The following RGS4 variants were observed in gnomAD, a reference collection of about 807,000 sequenced individuals.
RGS4 encodes regulator of G protein signaling 4.
RGS4 carries 15 observed loss-of-function variants against 21.6 expected under a neutral mutation model. The ratio of observed to expected loss-of-function variants is 0.69; its 90% confidence interval spans 0.46 to 1.07. RGS4 has a LOEUF of 1.07. Among genes scored for constraint, RGS4 ranks in the 50% least tolerant of loss-of-function variants. The pLI, the probability that RGS4 is intolerant of heterozygous loss-of-function variation, is 0.00. For missense variants in RGS4, 237 were observed against 239.0 expected, an observed-to-expected ratio of 0.99 and a Z score of 0.06; for synonymous variants, 94 against 85.5, an observed-to-expected ratio of 1.10 and a Z score of -0.55.
upstream of RGS4, chr1:163,069,086 T>C: frequency 6.5e-7 from 1 of 1,532,164 alleles, no homozygotes; most frequent in Non-Finnish European, 8.8e-7. Context: ...AACTATATTT[T>C]GCAGCATTGT....
intron 1 of RGS4, chr1:163,070,452 G>A (rs968270054): frequency 6.6e-6 from 1 of 151,996 alleles, no homozygotes; most frequent in African/African-American, 2.4e-5. Context: ...ATTTTATTTT[G>A]GAAATAATCT....
Position 163,072,377 on chromosome 1 carries a change from T to A in RGS4, c.45-18T>A. On this transcript the variant is annotated intron_variant, in intron 1 of 4. Coordinates refer to ENST00000367909, the MANE Select transcript of RGS4 (RefSeq NM_005613.6). ...AGCTGGTTATTACTATTTATTCATT[T>A]TTTTCTCTTCTGTGCAGTGCAAAAG... 1 of 1,576,366 alleles carries A rather than the reference T, an allele frequency of 6.3e-7. No individual in the cohort carries two copies. The highest frequency in any genetic ancestry group is 8.7e-7 in the Non-Finnish European group (1 of 1,148,030).
intron 4 of RGS4, 166 bp from the exon 5 acceptor site, chr1:163,074,155 C>A: frequency 1.3e-6 from 1 of 774,114 alleles, no homozygotes; most frequent in Non-Finnish European, 2.1e-6. Flanking sequence ...CATTCTGAAC[C>A]TTTCATACTC....
At chr1:163,069,923 C>T (rs538515904) in intron 1 of RGS4, among the ~76,000 whole-genome samples, 28 of 152,240 alleles carry the variant, frequency 1.8e-4, no homozygotes, top group African/African-American at 6.5e-4. Context: ...TGATTGTATG[C>T]TACAACTTGT....
At position 163,074,638 on chromosome 1, in the gene RGS4, T is replaced by C; in HGVS notation, c.*78T>C. On this transcript the variant is annotated 3_prime_UTR_variant, in exon 5 of 5. Coordinates refer to ENST00000367909, the MANE Select transcript of RGS4 (RefSeq NM_005613.6). ...CCTGAGGCCAAATATTGATCTGTAT[T>C]AAGCTCCAGTGCTTTATCCACATTG... 1 of 1,589,002 alleles carries C rather than the reference T, an allele frequency of 6.3e-7. No individual in the cohort carries two copies. Among genetic ancestry groups the C allele is most frequent in the African/African-American group, 1.3e-5 (1 of 74,554 alleles).
rs1250880292 is a variant in RGS4, at chr1:163,076,208, T to C, written c.*1648T>C. ...CAAAGTGCACACACACGCGTCCACA[T>C]ACACTGCATTCGTTGCTCCAGTATA... is the stretch of plus-strand genomic sequence containing the variant. On this transcript the variant is annotated 3_prime_UTR_variant, in exon 5 of 5. Coordinates refer to ENST00000367909, the MANE Select transcript of RGS4 (RefSeq NM_005613.6). 2 of 152,624 alleles carry C rather than the reference T, an allele frequency of 1.3e-5. No homozygotes were observed. Among genetic ancestry groups the C allele is most frequent in the African/African-American group, 2.4e-5 (1 of 41,456 alleles). The allele number at this position is 152,624 out of a possible 1,614,324, so 9.5% of individuals were successfully genotyped here.
At chr1:163,069,156 C>A, upstream of RGS4, 1 of 1,496,158 alleles carries the variant, frequency 6.7e-7, no homozygotes. Flanking sequence ...ACATTGAGTA[C>A]ATTTTTTCCC....
In RGS4 at chr1:163,076,650, G is replaced by A. The variant is rs554271778; in HGVS notation, c.*2090G>A. 6 of 152,282 alleles carry A rather than the reference G, an allele frequency of 3.9e-5. No homozygotes were observed. In the East Asian group the frequency reaches 7.7e-4, roughly 20 times the overall value. 9.4% of individuals were successfully genotyped at this position (152,282 alleles called of 1,614,324 possible). On this transcript the variant is annotated 3_prime_UTR_variant, in exon 5 of 5. Coordinates refer to ENST00000367909, the MANE Select transcript of RGS4 (RefSeq NM_005613.6). Reference sequence around the variant, plus strand: ...CTGTTATTTCATCACTATTTCCAATGGTGAGCTTGCCTGCTCATGCTCCCT... The same window carrying A: ...CTGTTATTTCATCACTATTTCCAATAGTGAGCTTGCCTGCTCATGCTCCCT...
intron 1 of RGS4, chr1:163,071,871 C>CCG (rs1557859181): frequency 1.6e-5 from 1 of 61,082 alleles, no homozygotes; most frequent in African/African-American, 5.8e-5. Context: ...CCCCCCCCCC[C>CCG]CCAACATACA....
intron 1 of RGS4, chr1:163,070,684 A>T (rs1289394256): frequency 2.6e-5 from 4 of 152,174 alleles, no homozygotes; most frequent in Non-Finnish European, 5.9e-5. Flanking sequence ...TGAACCGTAC[A>T]AAAATACAAG....
upstream of RGS4, chr1:163,069,025 T>C (rs1370019862): frequency 1.9e-6 from 3 of 1,583,092 alleles, no homozygotes; most frequent in East Asian, 4.6e-5. Context: ...GTACTTTTCC[T>C]TCCAGGAAGC....
intron 3 of RGS4, among the ~76,000 whole-genome samples, chr1:163,073,198 A>G (rs543601215): frequency 1.3e-5 from 2 of 152,316 alleles, no homozygotes; most frequent in Admixed American, 1.3e-4. Flanking sequence ...TGATAGCTGC[A>G]TAGGCATTTC....
In RGS4 at chr1:163,074,656, C is replaced by T; in HGVS notation, c.*96C>T. On this transcript the variant is annotated 3_prime_UTR_variant, in exon 5 of 5. Transcript: ENST00000367909. ...TCTGTATTAAGCTCCAGTGCTTTAT[C>T]CACATTGTAGCCTAATATTCATGCT... is the stretch of plus-strand genomic sequence containing the variant. 3.2e-6 allele frequency: 5 copies of T among 1,539,244 alleles called. No homozygotes were observed. Among genetic ancestry groups the T allele is most frequent in the Non-Finnish European group, 4.5e-6 (5 of 1,114,572 alleles).
upstream of RGS4, chr1:163,069,047 TA>T (rs1351539323): frequency 5.1e-6 from 8 of 1,554,896 alleles, no homozygotes; most frequent in Non-Finnish European, 7.0e-6. Flanking sequence ...ACTTCCTTGA[TA>T]TTTTTTTTTT....
Position 163,076,015 on chromosome 1 carries a change from G to T in RGS4, c.*1455G>T, listed in dbSNP as rs965015025. On this transcript the variant is annotated 3_prime_UTR_variant, in exon 5 of 5. Coordinates refer to ENST00000367909, the MANE Select transcript of RGS4 (RefSeq NM_005613.6). ...GAATTACTGTTTGAAACTTTTCAAG[G>T]CACATTGAAATACTTGAAAACTTCT... is the stretch of plus-strand genomic sequence containing the variant. 6.6e-6 allele frequency: 1 copy of T among 152,448 alleles called. No individual in the cohort carries two copies. The highest frequency in any genetic ancestry group is 1.5e-5 in the Non-Finnish European group (1 of 67,994). The allele number at this position is 152,448 out of a possible 1,614,324, so 9.4% of individuals were successfully genotyped here. A position where few individuals can be genotyped will look rare whatever the true frequency, so the allele number is the denominator to read the frequency against.
intron 1 of RGS4, chr1:163,071,966 C>G: frequency 4.1e-6 from 4 of 984,092 alleles, no homozygotes; most frequent in Non-Finnish European, 4.8e-6. Flanking sequence ...AAATAGCAAT[C>G]ACCTGCCAGA....
chr1:163,073,525 G>T lies in RGS4; in HGVS notation c.281G>T (p.Ser94Ile). Residue 94 changes from serine (S) to isoleucine (I), a missense_variant, in exon 4 of 5, where the codon AGC becomes ATC. Ser to Ile is a moderately radical substitution (Grantham distance 142). Transcript: ENST00000367909. ...GAGGAGAATATTGACTTCTGGATCAGCTGTGAAGAGTACAAGAAAATCAAA... is the reference window on the plus strand; with the variant it reads ...GAGGAGAATATTGACTTCTGGATCATCTGTGAAGAGTACAAGAAAATCAAA... The part of the protein sequence containing the change: ...YSEENIDFWI[S>I]CEEYKKIKSP... The T allele has an allele frequency of 1.9e-6, 3 of 1,611,158 alleles. No homozygotes were observed. Among genetic ancestry groups the T allele is most frequent in the South Asian group, 2.2e-5 (2 of 90,578 alleles).
chr1:163,073,455 G>T lies in RGS4; in HGVS notation c.212-1G>T, dbSNP rs552044984. The T allele has an allele frequency of 1.9e-6, 3 of 1,571,846 alleles. No homozygotes were observed. Among genetic ancestry groups the T allele is most frequent in the East Asian group, 2.3e-5 (1 of 44,220 alleles). On this transcript the variant is annotated splice_acceptor_variant, in intron 3 of 4. Coordinates refer to ENST00000367909, the MANE Select transcript of RGS4 (RefSeq NM_005613.6). LOFTEE classifies it high-confidence loss of function. Reference sequence around the variant, plus strand: ...CTGTGGTCCTTTCTCCTGTATCATAGGTGGGCTGGCAGCTTTCAAAGCTTT... The same window carrying T: ...CTGTGGTCCTTTCTCCTGTATCATATGTGGGCTGGCAGCTTTCAAAGCTTT...
In RGS4 at chr1:163,074,042, G is replaced by A. The variant is rs1655415799; in HGVS notation, c.379-279G>A. On this transcript the variant is annotated intron_variant, in intron 4 of 4. Transcript: ENST00000367909. ...TTTTTAAAAAATCTCTTTTATCCAT[G>A]TGGCTTACCATAACCTCCCTGCATG... 6 of 472,026 alleles carry A rather than the reference G, an allele frequency of 1.3e-5. 1 individual carries two copies. In the South Asian group the frequency reaches 2.2e-4, roughly 17 times the overall value. 29.2% of individuals were successfully genotyped at this position (472,026 alleles called of 1,614,324 possible).
Sources: gnomAD v4.1 joint callset for allele counts (sites outside exome capture counted in the v4.1 genomes callset) on GRCh38, gnomAD v4.1.1 for gene constraint, MANE v1.5 for transcripts, NCBI Gene and HGNC (gene_info 2026-07-23, HGNC 2026-07-21) for gene names.